Variants in GALNT2 observed in about 807,000 individuals in gnomAD.
GALNT2 encodes the protein polypeptide N-acetylgalactosaminyltransferase 2.
A neutral mutation model predicts 81.4 loss-of-function variants in GALNT2; 31 were observed. That is an observed-to-expected ratio of 0.38 (90% confidence interval 0.29 to 0.51). GALNT2 has a LOEUF of 0.51. GALNT2 is among the 20% of genes least tolerant of loss of function. The pLI is 0.87. For missense variants in GALNT2, 629 were observed against 765.7 expected (o/e 0.82, Z 2.11); for synonymous variants, 303 against 287.4 (o/e 1.05, Z -0.55).
chr1:230,228,688 T>G (rs1664786637), intron 3 of GALNT2, among the ~76,000 whole-genome samples: 1 of 152,064 alleles, frequency 6.6e-6, no homozygotes, highest in Non-Finnish European at 1.5e-5. Context: ...CTTTAATCAC[T>G]GTGACTCTGC....
chr1:230,167,076 A>G (rs1303558827), intron 1 of GALNT2, among the ~76,000 whole-genome samples: 1 of 146,848 alleles, frequency 6.8e-6, no homozygotes, highest in African/African-American at 2.4e-5. Context: ...GGCTCTTTGC[A>G]TATCATTCTG....
intron 1 of GALNT2, among the ~76,000 whole-genome samples, chr1:230,130,053 G>C (rs1297830608): frequency 6.6e-6 from 1 of 152,264 alleles, no homozygotes; most frequent in Admixed American, 6.5e-5. Flanking sequence ...TGGAGCCCAA[G>C]TCTACCATCC....
At chr1:230,174,639 A>G (rs1282166807) in intron 1 of GALNT2, among the ~76,000 whole-genome samples, 1 of 151,516 alleles carries the variant, frequency 6.6e-6, no homozygotes, top group South Asian at 2.1e-4. Context: ...AGCCCCTCCT[A>G]GCTGCACCTG....
At chr1:230,097,681 G>A (rs1660290899) in intron 1 of GALNT2, among the ~76,000 whole-genome samples, 1 of 152,098 alleles carries the variant, frequency 6.6e-6, no homozygotes, top group African/African-American at 2.4e-5. Context: ...GGTTGTTTCC[G>A]CTTTCTGGAT....
At chr1:230,151,990 G>T (rs761279626) in intron 1 of GALNT2, among the ~76,000 whole-genome samples, 4 of 152,220 alleles carry the variant, frequency 2.6e-5, no homozygotes, top group Non-Finnish European at 4.4e-5. Flanking sequence ...TGGAAGTGTA[G>T]CAGTGAGGAC....
intron 1 of GALNT2, among the ~76,000 whole-genome samples, chr1:230,076,964 A>G (rs1268137960): frequency 6.6e-6 from 1 of 152,150 alleles, no homozygotes; most frequent in Non-Finnish European, 1.5e-5. Flanking sequence ...CCCTAGAAAA[A>G]TGACGCACTT....
intron 1 of GALNT2, among the ~76,000 whole-genome samples, chr1:230,173,934 A>C (rs1424277647): frequency 1.3e-5 from 2 of 152,056 alleles, no homozygotes; most frequent in African/African-American, 2.4e-5. Context: ...TTTATTATTG[A>C]GCAACTATTG....
At chr1:230,147,657 G>A (rs564752818) in intron 1 of GALNT2, among the ~76,000 whole-genome samples, 16 of 152,292 alleles carry the variant, frequency 1.1e-4, no homozygotes, top group South Asian at 4.1e-4. Flanking sequence ...CTAGTGGTGT[G>A]GCCACATTCC....
rs571674383 is a variant in GALNT2, at chr1:230,257,908, T to C, written c.1136+2564T>C. On this transcript the variant is annotated intron_variant, in intron 11 of 15. Coordinates refer to ENST00000366672, the MANE Select transcript of GALNT2 (RefSeq NM_004481.5). This position sits in a 1 kb window ranked among gnomAD's most constrained non-coding sequence, Gnocchi z 4.6. ...GGGTGTGGGTGTGGGGATTGCTAGC[T>C]TATCTTTTGTCTAGTTTTTTTCTTG... Among the ~76,000 whole-genome samples, 34 of 152,228 alleles carry C rather than the reference T, an allele frequency of 2.2e-4. No individual in the cohort carries two copies. Among genetic ancestry groups the C allele is most frequent in the African/African-American group, 8.2e-4 (34 of 41,528 alleles).
chr1:230,249,066 T>G, intron 8 of GALNT2, 118 bp from the exon 9 acceptor site: 3 of 1,015,150 alleles, frequency 3.0e-6, no homozygotes, highest in Non-Finnish European at 4.5e-6. Flanking sequence ...TTGGCTTTGT[T>G]TTGGTTTTCA....
Position 230,187,739 on chromosome 1 carries a change from G to T in GALNT2, c.220+9428G>T, listed in dbSNP as rs553421330. On this transcript the variant is annotated intron_variant, in intron 2 of 15. Transcript: ENST00000366672. The stretch of plus-strand genomic sequence containing the variant: ...TATTGAGCACTGGAAGTGGCTCTCA[G>T]TGGGATGGGAAGCTAGAAAGGGGGT... 8.3e-4 allele frequency among the ~76,000 whole-genome samples: 127 copies of T among 152,322 alleles called. 1 individual carries two copies. Among genetic ancestry groups the T allele is most frequent in the African/African-American group, 2.9e-3 (120 of 41,572 alleles).
chr1:230,246,721 A>G (rs780685184), intron 8 of GALNT2, among the ~76,000 whole-genome samples: 11 of 152,054 alleles, frequency 7.2e-5, no homozygotes, highest in Non-Finnish European at 1.2e-4. Flanking sequence ...ACCTGTGCCT[A>G]CATCACCCTG....
chr1:230,220,041 T>TA (rs1284554984), intron 3 of GALNT2, among the ~76,000 whole-genome samples: 6 of 152,308 alleles, frequency 3.9e-5, no homozygotes, highest in East Asian at 1.9e-4. Flanking sequence ...TTCAGATTGT[T>TA]AAAAAAATAT....
At chr1:230,179,162 C>T (rs772721897) in intron 2 of GALNT2, among the ~76,000 whole-genome samples, 32 of 151,832 alleles carry the variant, frequency 2.1e-4, no homozygotes, top group Admixed American at 5.9e-4. Flanking sequence ...AATGAATTAA[C>T]ATTCCATTGT....
At chr1:230,262,830 A>G (rs1665919742) in intron 12 of GALNT2, 92 bp from the exon 13 acceptor site, 3 of 1,397,892 alleles carry the variant, frequency 2.1e-6, no homozygotes, top group Non-Finnish European at 3.0e-6. Flanking sequence ...ACCTGCCCCA[A>G]CCCTGTTCTC....
chr1:230,059,780 CT>C (rs777799728), intron 1 of GALNT2, among the ~76,000 whole-genome samples: 7 of 152,028 alleles, frequency 4.6e-5, no homozygotes, highest in Admixed American at 1.3e-4. Context: ...TATTTTGCCA[CT>C]TTTTTTTATC....
chr1:230,064,690 T>C (rs1239619710), upstream of GALNT2, among the ~76,000 whole-genome samples: 1 of 152,220 alleles, frequency 6.6e-6, no homozygotes, highest in East Asian at 1.9e-4. Context: ...TTTCATATTT[T>C]TTTTAGTGAT....
chr1:230,157,116 C>G (rs578176382), intron 1 of GALNT2, among the ~76,000 whole-genome samples: 31 of 152,170 alleles, frequency 2.0e-4, no homozygotes, highest in Non-Finnish European at 2.5e-4. Flanking sequence ...GTCATTTGAC[C>G]TTGGTTCAGA....
intron 2 of GALNT2, among the ~76,000 whole-genome samples, chr1:230,184,363 A>AT (rs1663253286): frequency 6.6e-6 from 1 of 151,442 alleles, no homozygotes; most frequent in Admixed American, 6.6e-5. Context: ...ATTTTTTTGT[A>AT]TTTTTTTAGT....
Sources: allele counts gnomAD v4.1 joint callset (sites outside exome capture counted in the v4.1 genomes callset), GRCh38; gene constraint gnomAD v4.1.1; non-coding constraint Gnocchi (gnomAD v3.1); transcripts MANE v1.5; gene names NCBI Gene and HGNC (gene_info 2026-07-23, HGNC 2026-07-21).